SERPINB6: variants seen among roughly 807,000 people sequenced by gnomAD.
SERPINB6 encodes the protein serpin family B member 6, also known as serpin B6.
A neutral mutation model predicts 26.1 loss-of-function variants in SERPINB6; 16 were observed. The observed-to-expected ratio is 0.61, with a 90% CI of 0.42 to 0.93. The LOEUF is 0.93. SERPINB6 is among the 40% of genes least tolerant of loss of function. The probability of loss-of-function intolerance (pLI) is 0.00; values close to 1 mark genes in which losing one functional copy is unlikely to be tolerated. For synonymous variants in SERPINB6, 174 were observed against 176.6 expected (o/e 0.99, Z 0.11); for missense variants, 420 against 478.0 (o/e 0.88, Z 1.13).
chr6:2,963,416 G>C (rs1771328564), intron 1 of SERPINB6: 1 of 152,230 alleles, frequency 6.6e-6, no homozygotes, highest in Admixed American at 6.5e-5. Context: ...AGAACCCAGG[G>C]CAACAATGGC....
rs1201922786 is a variant in SERPINB6, at chr6:2,949,073, C to A, written c.574-4G>T. Reference sequence around the variant, plus strand: ...TTTGCACAGGTTTCTCCTCATTCTACAAAGAAAACAGATAAACATCAAGTT... The same window carrying A: ...TTTGCACAGGTTTCTCCTCATTCTAAAAAGAAAACAGATAAACATCAAGTT... On this transcript the variant is annotated splice_polypyrimidine_tract_variant and splice_region_variant and intron_variant, in intron 5 of 6. Transcript: ENST00000380539. 2 of 1,613,882 alleles carry A rather than the reference C, an allele frequency of 1.2e-6. No homozygotes were observed. The highest frequency in any genetic ancestry group is 1.7e-6 in the Non-Finnish European group (2 of 1,179,948).
intron 5 of SERPINB6, among the ~76,000 whole-genome samples, chr6:2,951,317 C>T (rs1230472647): frequency 4.7e-5 from 7 of 148,324 alleles, no homozygotes; most frequent in South Asian, 2.2e-4. Context: ...ACCCGGGAGG[C>T]GGAGGCTGCA....
rs1156862521 is a variant in SERPINB6, at chr6:2,967,093, G to A, written c.-11+4440C>T. The A allele has an allele frequency of 5.1e-6, 5 of 985,124 alleles. No individual in the cohort carries two copies. Among genetic ancestry groups the A allele is most frequent in the Non-Finnish European group, 6.0e-6 (5 of 829,646 alleles). The allele number at this position is 985,124 out of a possible 1,614,324, so 61.0% of individuals were successfully genotyped here. On this transcript the variant is annotated intron_variant, in intron 1 of 6. Coordinates refer to ENST00000380539, the MANE Select transcript of SERPINB6 (RefSeq NM_004568.6). This position sits in a 1 kb window ranked among gnomAD's most constrained non-coding sequence, Gnocchi z 4.3. ...CCAGGCTGTGACACACACAGAAAAT[G>A]ATGTTTGTATGTCACTTTGGGGCCA...
intron 2 of SERPINB6, among the ~76,000 whole-genome samples, chr6:2,958,368 G>A (rs1293997322): frequency 1.3e-5 from 2 of 152,192 alleles, no homozygotes; most frequent in Non-Finnish European, 2.9e-5. Flanking sequence ...CTACATCTGT[G>A]GTGTGCGCAC....
Position 2,953,099 on chromosome 6 carries a change from C to T in SERPINB6, c.518G>A (p.Trp173Ter), listed in dbSNP as rs1212905441. ...GTTCTCCTTGTCAAACTGTTCATCCCAGTTTCCTCTGAAATAGACAGCATT... is the reference window on the plus strand; with the variant it reads ...GTTCTCCTTGTCAAACTGTTCATCCTAGTTTCCTCTGAAATAGACAGCATT... ...LVNAVYFRGN[W>*]DEQFDKENTE... The change falls in exon 5 of 7, where the codon TGG (tryptophan) becomes TAG (stop). Residue 173 changes from tryptophan (W) to a stop codon, truncating the protein, a stop_gained. Transcript: ENST00000380539. LOFTEE classifies it high-confidence loss of function. 3 of 1,614,116 alleles carry T rather than the reference C, an allele frequency of 1.9e-6. No individual in the cohort carries two copies. Among genetic ancestry groups the T allele is most frequent in the Non-Finnish European group, 2.5e-6 (3 of 1,180,040 alleles).
In SERPINB6 at chr6:2,953,063, C is replaced by A. The variant is rs754210089; in HGVS notation, c.554G>T (p.Arg185Ile). The A allele has an allele frequency of 6.2e-6, 10 of 1,614,268 alleles. No individual in the cohort carries two copies. In the Admixed American group the frequency reaches 1.7e-4, roughly 27 times the overall value. Residue 185 changes from arginine (R) to isoleucine (I), a missense_variant, in exon 5 of 7, where the codon AGA becomes ATA. Physicochemically the swap from Arg to Ile is moderately conservative, Grantham distance 97. Transcript: ENST00000380539. ...ACTCGCCTTGCTGACTTTAAACAGT[C>A]TCTCCTCGGTGTTCTCCTTGTCAAA... Reference protein sequence around the residue: ...EQFDKENTEERLFKVSKNEEK... With the variant: ...EQFDKENTEEILFKVSKNEEK...
At chr6:2,971,230 C>T in intron 1 of SERPINB6, 6 of 956,966 alleles carry the variant, frequency 6.3e-6, no homozygotes, top group Non-Finnish European at 5.0e-6. Flanking sequence ...GCCGGGCTCG[C>T]GGCCACGCAC....
intron 5 of SERPINB6, among the ~76,000 whole-genome samples, chr6:2,951,518 T>A (rs897044919): frequency 1.3e-5 from 2 of 152,174 alleles, no homozygotes; most frequent in African/African-American, 4.8e-5. Flanking sequence ...AATTCCTCCC[T>A]GCACCCCTTC....
At chr6:2,949,785 C>T (rs1471425907) in intron 5 of SERPINB6, among the ~76,000 whole-genome samples, 4 of 152,152 alleles carry the variant, frequency 2.6e-5, no homozygotes, top group Non-Finnish European at 2.9e-5. Context: ...CCCATTTACT[C>T]GGAGCAGGAG....
Position 2,970,832 on chromosome 6 carries a change from G to T in SERPINB6, c.-11+701C>A, listed in dbSNP as rs935471959. 8.1e-6 allele frequency: 10 copies of T among 1,231,470 alleles called. No homozygotes were observed. The African/African-American group carries it at 1.6e-4, about 19-fold the overall frequency. 76.3% of individuals were successfully genotyped at this position (1,231,470 alleles called of 1,614,324 possible). A position where few individuals can be genotyped will look rare whatever the true frequency, so the allele number is the denominator to read the frequency against. On this transcript the variant is annotated intron_variant, in intron 1 of 6. Transcript: ENST00000380539. ...AAGCCTGTAATAGTTTGCCTGTAGG[G>T]AGTTTAATTCAAACACAGAGCGGTA... is the stretch of plus-strand genomic sequence containing the variant.
chr6:2,959,370 C>T (rs1770855187), intron 1 of SERPINB6, 28 bp from the exon 2 acceptor site: 2 of 1,610,918 alleles, frequency 1.2e-6, no homozygotes, highest in African/African-American at 1.3e-5. Context: ...ATCAGTATCA[C>T]TTAAGCACAG....
intron 1 of SERPINB6, chr6:2,968,528 C>T (rs1771841646): frequency 9.5e-6 from 11 of 1,156,030 alleles, no homozygotes; most frequent in Non-Finnish European, 1.1e-5. Flanking sequence ...CTCATTTACA[C>T]TTTTCATCAT....
chr6:2,953,095 A>G lies in SERPINB6; in HGVS notation c.522T>C (p.Asp174=), dbSNP rs1337281662. 6 of 1,614,198 alleles carry G rather than the reference A, an allele frequency of 3.7e-6. No individual in the cohort carries two copies. Among genetic ancestry groups the G allele is most frequent in the South Asian group, 1.1e-5 (1 of 91,088 alleles). ...CGGTGTTCTCCTTGTCAAACTGTTCATCCCAGTTTCCTCTGAAATAGACAG... is the reference window on the plus strand; with the variant it reads ...CGGTGTTCTCCTTGTCAAACTGTTCGTCCCAGTTTCCTCTGAAATAGACAG... ...VNAVYFRGNW[D]EQFDKENTEE... The change falls in exon 5 of 7, where the codon GAT becomes GAC. Residue 174 remains aspartate (D), a synonymous_variant. Transcript: ENST00000380539.
At chr6:2,962,216 C>T (rs1771197707) in intron 1 of SERPINB6, 1 of 985,336 alleles carries the variant, frequency 1.0e-6, no homozygotes, top group African/African-American at 1.7e-5. Context: ...CAGGTTACAC[C>T]ATCTGGGGCA....
intron 1 of SERPINB6, chr6:2,969,866 G>A: frequency 2.1e-6 from 2 of 932,566 alleles, no homozygotes; most frequent in Non-Finnish European, 2.6e-6. Context: ...GCTAGGCGCA[G>A]TGGCTCACAT....
Position 2,955,057 on chromosome 6 carries a change from G to C in SERPINB6, c.313-348C>G, listed in dbSNP as rs1056281260. ...ATACAAAAATTAGCCATGTATGGTG[G>C]CATGCACCTGTAATCCCAGCTACTT... On this transcript the variant is annotated intron_variant, in intron 3 of 6. Transcript: ENST00000380539. 1.1e-4 allele frequency: 33 copies of C among 302,608 alleles called. No individual in the cohort carries two copies. The Admixed American group carries it at 1.5e-3, about 14-fold the overall frequency. 18.7% of individuals were successfully genotyped at this position (302,608 alleles called of 1,614,324 possible).
At chr6:2,957,388 G>A (rs989637761) in intron 2 of SERPINB6, 1 of 152,336 alleles carries the variant, frequency 6.6e-6, no homozygotes, top group South Asian at 2.1e-4. Flanking sequence ...ACTGGGTGGA[G>A]AATAAAAATG....
In SERPINB6 at chr6:2,948,946, T is replaced by C. The variant is rs138645542; in HGVS notation, c.697A>G (p.Met233Val). The C allele has an allele frequency of 6.2e-7, 1 of 1,614,216 alleles. No individual in the cohort carries two copies. Among genetic ancestry groups the C allele is most frequent in the Non-Finnish European group, 8.5e-7 (1 of 1,180,040 alleles). ...AAGTCAGTGGTCTCGTCCGGAAGCA[T>C]GATGATCATATTCAGTTCCTTGCCA... The part of the protein sequence containing the change: ...YVGKELNMII[M>V]LPDETTDLRT... Residue 233 changes from methionine (M) to valine (V), a missense_variant, in exon 6 of 7, where the codon ATG (methionine) becomes GTG (valine). By Grantham distance (21) the Met-to-Val change is conservative. Transcript: ENST00000380539. This position sits in a 1 kb window ranked among gnomAD's most constrained non-coding sequence, Gnocchi z 5.0.
At chr6:2,970,156 C>T in intron 1 of SERPINB6, 6 of 985,058 alleles carry the variant, frequency 6.1e-6, no homozygotes, top group Non-Finnish European at 7.2e-6. Flanking sequence ...TTCCCTGGGA[C>T]CGTACAACAT....
Sources: allele counts gnomAD v4.1 joint callset (sites outside exome capture counted in the v4.1 genomes callset), GRCh38; gene constraint gnomAD v4.1.1; non-coding constraint Gnocchi (gnomAD v3.1); transcripts MANE v1.5; gene names NCBI Gene and HGNC (gene_info 2026-07-23, HGNC 2026-07-21).